CASQ2: variants seen among roughly 807,000 people sequenced by gnomAD.
The protein encoded by CASQ2 is calsequestrin-2.
A neutral mutation model predicts 46.5 loss-of-function variants in CASQ2; 49 were observed. That is an observed-to-expected ratio of 1.05 (90% CI 0.84 to 1.34). The LOEUF is 1.34. CASQ2 is among the 40% of genes most tolerant of loss of function. The pLI is 0.00. For synonymous variants in CASQ2, 174 were observed against 168.5 expected, an observed-to-expected ratio of 1.03 and a Z score of -0.25; for missense variants, 486 against 481.3, an observed-to-expected ratio of 1.01 and a Z score of -0.09.
At position 115,740,728 on chromosome 1, in the gene CASQ2, A is replaced by G; in HGVS notation, c.420T>C (p.Asp140=). The G allele has an allele frequency of 6.3e-7, 1 of 1,595,222 alleles. No individual in the cohort carries two copies. Among genetic ancestry groups the G allele is most frequent in the Non-Finnish European group, 8.6e-7 (1 of 1,162,864 alleles). The change falls in exon 3 of 11, where the codon GAT becomes GAC. Residue 140 remains aspartate (D), a splice_region_variant and synonymous_variant. Transcript: ENST00000261448. The part of the protein sequence containing the change: ...AADVLVEFLL[D]LIEDPVEIIS... Reference sequence around the variant, plus strand: ...AGGGTCACTGTGTATAAATACTTACATCCAAGAGGAACTCCACCAAGACAT... The same window carrying G: ...AGGGTCACTGTGTATAAATACTTACGTCCAAGAGGAACTCCACCAAGACAT...
At chr1:115,716,842 T>C (rs1489076473) in intron 8 of CASQ2, among the ~76,000 whole-genome samples, 3 of 152,202 alleles carry the variant, frequency 2.0e-5, no homozygotes, top group Non-Finnish European at 4.4e-5. Flanking sequence ...CTCTGTTCTA[T>C]AGACAAAATT....
At chr1:115,754,360 A>G (rs1301896477) in intron 1 of CASQ2, among the ~76,000 whole-genome samples, 1 of 152,182 alleles carries the variant, frequency 6.6e-6, no homozygotes, top group East Asian at 1.9e-4. Context: ...CACGTTGGTC[A>G]ATGCCAAGGA....
chr1:115,747,763 G>T (rs1198651624), intron 1 of CASQ2, among the ~76,000 whole-genome samples: 1 of 152,022 alleles, frequency 6.6e-6, no homozygotes, highest in African/African-American at 2.4e-5. Flanking sequence ...TAATTTTCAT[G>T]TCCATGTGTT....
In CASQ2 at chr1:115,748,001, T is replaced by C. The variant is rs559389761; in HGVS notation, c.235-3089A>G. Among the ~76,000 whole-genome samples, 21 of 152,326 alleles carry C rather than the reference T, an allele frequency of 1.4e-4. No homozygotes were observed. The South Asian group carries it at 2.3e-3, about 17-fold the overall frequency. ...CTATTTTGAATAAGAGTGGTAAGAATGTCTTGTTTTCTTAAATTTTTTGTT... is the reference window on the plus strand; with the variant it reads ...CTATTTTGAATAAGAGTGGTAAGAACGTCTTGTTTTCTTAAATTTTTTGTT... On this transcript the variant is annotated intron_variant, in intron 1 of 10. Coordinates refer to ENST00000261448, the MANE Select transcript of CASQ2 (RefSeq NM_001232.4).
intron 2 of CASQ2, among the ~76,000 whole-genome samples, chr1:115,744,109 A>C (rs914494295): frequency 8.0e-5 from 12 of 150,422 alleles, no homozygotes; most frequent in African/African-American, 2.7e-4. Context: ...ACATCACGGC[A>C]CTCCAGCCTG....
At position 115,700,403 on chromosome 1, in the gene CASQ2, C is replaced by T. The variant is rs1029954002; in HGVS notation, c.*838G>A. ...AGGGGTATTCAGATCCCAGCTTAGG[C>T]TAGGAAGCCAGCTGACCCAATCAGA... On this transcript the variant is annotated 3_prime_UTR_variant, in exon 11 of 11. Transcript: ENST00000261448. The T allele has an allele frequency of 5.9e-5, 9 of 152,476 alleles. No homozygotes were observed. Among genetic ancestry groups the T allele is most frequent in the African/African-American group, 2.2e-4 (9 of 41,430 alleles). 9.4% of individuals were successfully genotyped at this position (152,476 alleles called of 1,614,324 possible). A position where few individuals can be genotyped will look rare whatever the true frequency, so the allele number is the denominator to read the frequency against.
intron 4 of CASQ2, 85 bp downstream of exon 4, chr1:115,738,139 A>T: frequency 2.4e-6 from 2 of 822,672 alleles, no homozygotes; most frequent in South Asian, 2.7e-5. Flanking sequence ...GGTGCTGAAG[A>T]CCCATCCTCT....
intron 1 of CASQ2, among the ~76,000 whole-genome samples, chr1:115,764,271 G>A (rs1474263860): frequency 6.6e-6 from 1 of 151,898 alleles, no homozygotes; most frequent in Non-Finnish European, 1.5e-5. Context: ...TGATACAGTG[G>A]AATACTATGC....
intron 3 of CASQ2, among the ~76,000 whole-genome samples, chr1:115,739,308 G>A (rs35327593): frequency 0.062 from 9,298 of 150,952 alleles, 418 homozygotes; most frequent in Non-Finnish European, 0.092. Context: ...GTAGAGATGG[G>A]GTTTCACCGT....
chr1:115,739,228 T>C (rs182346900), intron 3 of CASQ2, among the ~76,000 whole-genome samples: 2,789 of 150,602 alleles, frequency 0.019, 52 homozygotes, highest in Non-Finnish European at 0.029. Flanking sequence ...TCTCCTGCCT[T>C]AGCCTCCCGA....
intron 7 of CASQ2, among the ~76,000 whole-genome samples, chr1:115,722,561 T>C (rs940891815): frequency 6.6e-6 from 1 of 152,128 alleles, no homozygotes; most frequent in African/African-American, 2.4e-5. Flanking sequence ...GGGTCCATAG[T>C]GGTATATTCC....
intron 4 of CASQ2, among the ~76,000 whole-genome samples, chr1:115,737,705 A>G (rs780609961): frequency 2.6e-5 from 4 of 152,198 alleles, no homozygotes; most frequent in Non-Finnish European, 5.9e-5. Flanking sequence ...TTCAAAGGGA[A>G]TATGTCCAAG....
rs571276696 is a variant in CASQ2, at chr1:115,761,983, G to T, written c.234+6325C>A. On this transcript the variant is annotated intron_variant, in intron 1 of 10. Transcript: ENST00000261448. ...TCCCCTGGACAGGCACTGTGTGGAT[G>T]GTAGCAGAGCATCCCAACAGCCTCT... 3.3e-5 allele frequency among the ~76,000 whole-genome samples: 5 copies of T among 152,296 alleles called. No homozygotes were observed. The South Asian group carries it at 8.3e-4, about 25-fold the overall frequency.
At chr1:115,703,727 A>T (rs1003495586) in intron 9 of CASQ2, among the ~76,000 whole-genome samples, 2 of 152,160 alleles carry the variant, frequency 1.3e-5, no homozygotes, top group Admixed American at 1.3e-4. Flanking sequence ...CCTGAGCAAC[A>T]TAGTAAGACC....
At chr1:115,717,748 TG>T in intron 8 of CASQ2, 91 bp downstream of exon 8, 1 of 959,630 alleles carries the variant, frequency 1.0e-6, no homozygotes, top group Non-Finnish European at 1.7e-6. Context: ...GCATTGTGGA[TG>T]GGATGTGAGA....
intron 7 of CASQ2, among the ~76,000 whole-genome samples, chr1:115,722,783 CA>C (rs1647422008): frequency 6.6e-6 from 1 of 152,210 alleles, no homozygotes; most frequent in African/African-American, 2.4e-5. Context: ...CGTGGTAGTT[CA>C]TGCCTGTAAT....
chr1:115,755,718 G>A (rs1648733046), intron 1 of CASQ2, among the ~76,000 whole-genome samples: 1 of 152,216 alleles, frequency 6.6e-6, no homozygotes, highest in African/African-American at 2.4e-5. Flanking sequence ...TTCAGGAGCA[G>A]CCCTTCACTC....
At chr1:115,748,818 T>G (rs10923355) in intron 1 of CASQ2, among the ~76,000 whole-genome samples, 41,609 of 152,042 alleles carry the variant, frequency 0.27, 6,092 homozygotes, top group East Asian at 0.43. Context: ...GTAATGATGG[T>G]ACCTAATGGC....
intron 1 of CASQ2, among the ~76,000 whole-genome samples, chr1:115,758,287 A>G (rs1248447713): frequency 6.6e-6 from 1 of 152,264 alleles, no homozygotes; most frequent in East Asian, 1.9e-4. Flanking sequence ...AATTAAATAA[A>G]ATAACATATG....
Sources: gnomAD v4.1 joint callset for allele counts (sites outside exome capture counted in the v4.1 genomes callset) on GRCh38, gnomAD v4.1.1 for gene constraint, MANE v1.5 for transcripts, NCBI Gene and HGNC (gene_info 2026-07-23, HGNC 2026-07-21) for gene names.